Variants in ASPRV1 observed in about 807,000 individuals in gnomAD.
ASPRV1 encodes aspartic peptidase retroviral like 1.
ASPRV1 carries 7 observed loss-of-function variants against 11.0 expected under a neutral mutation model. The observed-to-expected ratio is 0.64, with a 90% CI of 0.36 to 1.20. The LOEUF is 1.20. Ranked by LOEUF, ASPRV1 falls within the 50% of genes most tolerant of loss-of-function variation. The pLI, the probability that ASPRV1 is intolerant of heterozygous loss-of-function variation, is 0.02. For synonymous variants in ASPRV1, 136 were observed against 138.4 expected, an observed-to-expected ratio of 0.98 and a Z score of 0.12; for missense variants, 299 against 320.0, an observed-to-expected ratio of 0.93 and a Z score of 0.50.
At chr2:70,012,443 C>A in the ASPRV1 span, among the ~76,000 whole-genome samples, 2 of 152,208 alleles carry the variant, frequency 1.3e-5, no homozygotes, top group Admixed American at 1.3e-4. Flanking sequence ...CGTGAGCCAC[C>A]GCGCCCGGCC....
the ASPRV1 span, among the ~76,000 whole-genome samples, chr2:70,021,109 C>CTT: frequency 6.6e-6 from 1 of 152,244 alleles, no homozygotes; most frequent in African/African-American, 2.4e-5. Context: ...CCATTCCATT[C>CTT]TTATGTATGT....
chr2:69,963,847 G>C (rs1475107423), upstream of ASPRV1, among the ~76,000 whole-genome samples: 1 of 152,180 alleles, frequency 6.6e-6, no homozygotes. Context: ...CAGAGAAGGG[G>C]ATTTTGCAAG....
the ASPRV1 span, among the ~76,000 whole-genome samples, chr2:69,977,005 A>G: frequency 1.3e-5 from 2 of 152,202 alleles, no homozygotes; most frequent in South Asian, 4.1e-4. Flanking sequence ...CAGCCTGGCC[A>G]ACATGGTGAA....
chr2:69,944,550 C>T, the ASPRV1 span, among the ~76,000 whole-genome samples: 2 of 152,310 alleles, frequency 1.3e-5, no homozygotes, highest in African/African-American at 2.4e-5. Flanking sequence ...GGACTGGAAG[C>T]GTCAGCAGCC....
the ASPRV1 span, among the ~76,000 whole-genome samples, chr2:69,966,949 G>C: frequency 6.6e-6 from 1 of 152,170 alleles, no homozygotes; most frequent in African/African-American, 2.4e-5. Flanking sequence ...GCAGGAGAGA[G>C]AGAAACGGAA....
At chr2:69,987,426 C>T in the ASPRV1 span, among the ~76,000 whole-genome samples, 1 of 151,786 alleles carries the variant, frequency 6.6e-6, no homozygotes, top group African/African-American at 2.4e-5. Context: ...CTTATCTTTG[C>T]CCTGGATGGA....
At chr2:69,996,059 G>C in the ASPRV1 span, among the ~76,000 whole-genome samples, 1 of 151,840 alleles carries the variant, frequency 6.6e-6, no homozygotes, top group Non-Finnish European at 1.5e-5. Context: ...CAACTTCATA[G>C]TGCCTGTTTT....
chr2:70,054,340 C>A, the ASPRV1 span, among the ~76,000 whole-genome samples: 4 of 150,794 alleles, frequency 2.7e-5, no homozygotes, highest in Non-Finnish European at 5.9e-5. Context: ...GTAATCCCAG[C>A]ACTTTGGGAG....
At chr2:69,989,779 C>A in the ASPRV1 span, among the ~76,000 whole-genome samples, 1 of 152,370 alleles carries the variant, frequency 6.6e-6, no homozygotes, top group East Asian at 1.9e-4. Context: ...TAACCCATCT[C>A]TGCATGTGAC....
downstream of ASPRV1, among the ~76,000 whole-genome samples, chr2:69,955,277 C>T (rs1677913025): frequency 6.6e-6 from 1 of 152,212 alleles, no homozygotes; most frequent in Admixed American, 6.5e-5. Flanking sequence ...AAGGGCAGGA[C>T]TCATGGCCTT....
the ASPRV1 span, among the ~76,000 whole-genome samples, chr2:70,050,449 G>A: frequency 6.6e-6 from 1 of 152,092 alleles, no homozygotes; most frequent in Non-Finnish European, 1.5e-5. Flanking sequence ...TTGAGGTGGG[G>A]AAGCACGCTT....
At chr2:69,965,249 A>G (rs1678296892), upstream of ASPRV1, among the ~76,000 whole-genome samples, 2 of 152,246 alleles carry the variant, frequency 1.3e-5, no homozygotes, top group Admixed American at 6.5e-5. Flanking sequence ...CGTGTTAGCC[A>G]GGATGGATCT....
the ASPRV1 span, among the ~76,000 whole-genome samples, chr2:69,983,319 C>T: frequency 4.1e-4 from 62 of 152,232 alleles, no homozygotes; most frequent in Admixed American, 2.0e-3. Flanking sequence ...AGGATTTGGC[C>T]AAGAGCAAAG....
At chr2:69,939,025 C>T in the ASPRV1 span, 5 of 152,570 alleles carry the variant, frequency 3.3e-5, no homozygotes, top group Admixed American at 2.0e-4. Flanking sequence ...TCTGCTATCT[C>T]GAGGCACATT....
At chr2:69,952,873 A>G in the ASPRV1 span, among the ~76,000 whole-genome samples, 4 of 152,176 alleles carry the variant, frequency 2.6e-5, no homozygotes, top group Non-Finnish European at 5.9e-5. Context: ...AATGCCCCTA[A>G]GTCCTGTTGG....
the ASPRV1 span, chr2:69,996,734 C>G: frequency 2.2e-6 from 1 of 456,674 alleles, no homozygotes; most frequent in South Asian, 1.5e-5. Context: ...CCACCATCTA[C>G]GGAAACCATC....
chr2:69,948,239 C>A, the ASPRV1 span, among the ~76,000 whole-genome samples: 3 of 152,148 alleles, frequency 2.0e-5, no homozygotes, highest in African/African-American at 2.4e-5. Flanking sequence ...CAGAGTGAGA[C>A]CCTGTCTCAA....
chr2:70,023,559 G>C, the ASPRV1 span, among the ~76,000 whole-genome samples: 1 of 151,900 alleles, frequency 6.6e-6, no homozygotes, highest in Non-Finnish European at 1.5e-5. Context: ...TGTAATCCCA[G>C]CTACTTGGGA....
At chr2:70,081,660 T>A in the ASPRV1 span, among the ~76,000 whole-genome samples, 6 of 152,068 alleles carry the variant, frequency 3.9e-5, no homozygotes, top group Non-Finnish European at 2.9e-5. Flanking sequence ...CATGGCTCAA[T>A]ACAGCCTCCA....
Sources: gnomAD v4.1 joint callset for allele counts (sites outside exome capture counted in the v4.1 genomes callset) on GRCh38, gnomAD v4.1.1 for gene constraint, MANE v1.5 for transcripts, NCBI Gene and HGNC (gene_info 2026-07-23, HGNC 2026-07-21) for gene names.